The following SH3KBP1 variants were observed in gnomAD, a reference collection of about 807,000 sequenced individuals.
The protein encoded by SH3KBP1 is SH3 domain containing kinase binding protein 1.
A neutral mutation model predicts 50.1 loss-of-function variants in SH3KBP1; 8 were observed. That is an observed-to-expected ratio of 0.16 (90% CI 0.09 to 0.29). SH3KBP1 has a LOEUF of 0.29. Ranked by LOEUF, SH3KBP1 falls within the 10% of genes least tolerant of loss-of-function variation. The pLI, the probability that SH3KBP1 is intolerant of heterozygous loss-of-function variation, is 1.00. For missense variants in SH3KBP1, 377 were observed against 535.2 expected, an observed-to-expected ratio of 0.70 and a Z score of 2.92; for synonymous variants, 227 against 218.6, an observed-to-expected ratio of 1.04 and a Z score of -0.34.
chrX:19,860,724 C>T (rs1278621900), intron 1 of SH3KBP1, among the ~76,000 whole-genome samples: 1 of 111,818 alleles, frequency 8.9e-6, no homozygotes, highest in Non-Finnish European at 1.9e-5. Context: ...TCATGAAAAT[C>T]AAGAAAGACT....
intron 15 of SH3KBP1, among the ~76,000 whole-genome samples, chrX:19,544,441 G>C (rs764363388): frequency 1.4e-4 from 15 of 110,892 alleles, no homozygotes; most frequent in African/African-American, 4.3e-4. Context: ...TGGCAGAACA[G>C]GGGATCAATT....
chrX:19,799,657 T>C, intron 2 of SH3KBP1: 2 of 1,208,555 alleles, frequency 1.7e-6, no homozygotes, highest in East Asian at 3.0e-5. Context: ...TCTGCGGCAC[T>C]TGGGGCTTTG....
intron 2 of SH3KBP1, among the ~76,000 whole-genome samples, chrX:19,828,541 G>A (rs770611958): frequency 9.0e-6 from 1 of 111,039 alleles, no homozygotes; most frequent in African/African-American, 3.3e-5. Flanking sequence ...CAGCACTTTG[G>A]GAGGCTGAGG....
At chrX:19,586,522 C>T (rs1191469806) in intron 12 of SH3KBP1, among the ~76,000 whole-genome samples, 1 of 112,196 alleles carries the variant, frequency 8.9e-6, no homozygotes, top group Non-Finnish European at 1.9e-5. Flanking sequence ...GGGCTGACCA[C>T]ACCACTGAAA....
chrX:19,778,149 T>G (rs1382179557), intron 2 of SH3KBP1, among the ~76,000 whole-genome samples: 1 of 111,237 alleles, frequency 9.0e-6, no homozygotes, highest in Non-Finnish European at 1.9e-5. Flanking sequence ...AGGGGAAAAT[T>G]CGGCCGGGTG....
intron 3 of SH3KBP1, among the ~76,000 whole-genome samples, chrX:19,746,087 T>G (rs770118708): frequency 8.8e-6 from 1 of 113,101 alleles, no homozygotes; most frequent in Non-Finnish European, 1.9e-5. Context: ...CATTTACAAA[T>G]GTAGTCTACT....
chrX:19,637,698 G>A (rs1226341232), intron 7 of SH3KBP1, among the ~76,000 whole-genome samples: 4 of 111,414 alleles, frequency 3.6e-5, no homozygotes, highest in Non-Finnish European at 5.7e-5. Context: ...CTTCCCTGCA[G>A]ATGTGAATCT....
At chrX:19,565,447 G>A (rs2065816855) in intron 13 of SH3KBP1, among the ~76,000 whole-genome samples, 1 of 111,449 alleles carries the variant, frequency 9.0e-6, no homozygotes, top group African/African-American at 3.3e-5. Context: ...GTAAAAACAT[G>A]AGTCATTACA....
chrX:19,678,967 T>A (rs1008924891), intron 6 of SH3KBP1, among the ~76,000 whole-genome samples: 2 of 111,829 alleles, frequency 1.8e-5, no homozygotes, highest in Admixed American at 1.9e-4. Flanking sequence ...TGCTGGAGCC[T>A]CTACACATCA....
intron 6 of SH3KBP1, among the ~76,000 whole-genome samples, chrX:19,677,867 C>T (rs1204917570): frequency 8.9e-6 from 1 of 112,197 alleles, no homozygotes; most frequent in Admixed American, 9.4e-5. Flanking sequence ...GACACTCCTG[C>T]CGTTCTCTTC....
chrX:19,627,404 C>T (rs769126231), intron 8 of SH3KBP1, among the ~76,000 whole-genome samples: 2 of 112,395 alleles, frequency 1.8e-5, no homozygotes, highest in Middle Eastern at 4.6e-3. Context: ...CCAGAAGCTT[C>T]GGAACCTTTT....
chrX:19,663,531 A>G (rs1013280017), intron 6 of SH3KBP1, among the ~76,000 whole-genome samples: 1 of 111,537 alleles, frequency 9.0e-6, no homozygotes, highest in African/African-American at 3.3e-5. Flanking sequence ...AACACAATAG[A>G]GATTCACGGA....
intron 2 of SH3KBP1, among the ~76,000 whole-genome samples, chrX:19,818,203 A>G (rs1230506571): frequency 2.7e-5 from 3 of 112,104 alleles, no homozygotes; most frequent in African/African-American, 9.7e-5. Context: ...GAGACTGTAC[A>G]TGGCATTGTG....
chrX:19,551,069 T>C (rs971089395), intron 13 of SH3KBP1, among the ~76,000 whole-genome samples: 1 of 111,868 alleles, frequency 8.9e-6, no homozygotes, highest in Admixed American at 9.5e-5. Flanking sequence ...TCTGGCTGTA[T>C]GACAGCTTTA....
At chrX:19,826,809 T>C (rs902755415) in intron 2 of SH3KBP1, among the ~76,000 whole-genome samples, 4 of 111,419 alleles carry the variant, frequency 3.6e-5, no homozygotes, top group Non-Finnish European at 5.6e-5. Flanking sequence ...AAAACAATCA[T>C]CCATATAATT....
chrX:19,816,951 G>A (rs1177839499), intron 2 of SH3KBP1, among the ~76,000 whole-genome samples: 1 of 111,923 alleles, frequency 8.9e-6, no homozygotes, highest in Non-Finnish European at 1.9e-5. Flanking sequence ...TTTTTAATAA[G>A]ATGTTAGATT....
chrX:19,820,811 T>A (rs757192740), intron 2 of SH3KBP1, among the ~76,000 whole-genome samples: 2 of 111,714 alleles, frequency 1.8e-5, no homozygotes, highest in East Asian at 5.6e-4. Flanking sequence ...TTCTTTAGAA[T>A]TTCCTTTTAT....
intron 2 of SH3KBP1, among the ~76,000 whole-genome samples, chrX:19,801,617 A>G (rs188810757): frequency 3.5e-4 from 39 of 112,054 alleles, no homozygotes; most frequent in African/African-American, 1.1e-3. Flanking sequence ...GGAAATGGAG[A>G]GTGACTGCAA....
intron 9 of SH3KBP1, among the ~76,000 whole-genome samples, chrX:19,600,901 C>G (rs188120249): frequency 9.8e-5 from 11 of 111,677 alleles, no homozygotes; most frequent in African/African-American, 3.6e-4. Flanking sequence ...AGGAGTCCCC[C>G]CTGCAGCTGA....
Sources: gnomAD v4.1 joint callset for allele counts (sites outside exome capture counted in the v4.1 genomes callset) on GRCh38, gnomAD v4.1.1 for gene constraint, MANE v1.5 for transcripts, NCBI Gene and HGNC (gene_info 2026-07-23, HGNC 2026-07-21) for gene names.